Variants in CCDC149 observed in about 807,000 individuals in gnomAD.
The protein encoded by CCDC149 is coiled-coil domain-containing protein 149.
Under a neutral mutation model 59.9 loss-of-function variants are expected in CCDC149, and 45 were observed. That is an observed-to-expected ratio of 0.75 (90% confidence interval 0.59 to 0.96). CCDC149 has a LOEUF of 0.96. Among genes scored for constraint, CCDC149 ranks in the 40% least tolerant of loss-of-function variants. CCDC149 has a pLI of 0.00. For synonymous variants in CCDC149, 245 were observed against 260.6 expected (o/e 0.94, Z 0.58); for missense variants, 584 against 664.7 (o/e 0.88, Z 1.33).
intron 4 of CCDC149, among the ~76,000 whole-genome samples, chr4:24,850,906 T>G (rs1717615799): frequency 6.6e-6 from 1 of 151,872 alleles, no homozygotes; most frequent in Non-Finnish European, 1.5e-5. Flanking sequence ...AAACCAGCCC[T>G]GTAACTTTAG....
At chr4:24,861,260 T>TAC (rs1456151602) in intron 3 of CCDC149, among the ~76,000 whole-genome samples, 5 of 48,098 alleles carry the variant, frequency 1.0e-4, no homozygotes, top group Admixed American at 2.5e-4. Context: ...GATATATATA[T>TAC]ATGCACACAC....
At chr4:24,931,842 T>TATATATATATATATATAC (rs1560260675) in intron 1 of CCDC149, among the ~76,000 whole-genome samples, 9 of 141,484 alleles carry the variant, frequency 6.4e-5, no homozygotes, top group Non-Finnish European at 1.2e-4. Context: ...TATATATATA[T>TATATATATATATATATAC]ATATATATAT....
chr4:24,869,141 C>T (rs1357308603), intron 3 of CCDC149, among the ~76,000 whole-genome samples: 3 of 152,196 alleles, frequency 2.0e-5, no homozygotes, highest in Non-Finnish European at 4.4e-5. Context: ...CTACCCCGCA[C>T]CCCTCTACAT....
chr4:24,809,588 G>A (rs367802334), intron 12 of CCDC149, among the ~76,000 whole-genome samples: 6 of 150,428 alleles, frequency 4.0e-5, no homozygotes, highest in Admixed American at 2.0e-4. Flanking sequence ...GCAGCATGGC[G>A]GAGCCAGCTC....
At chr4:24,965,829 A>G (rs1481712956) in intron 1 of CCDC149, among the ~76,000 whole-genome samples, 1 of 152,234 alleles carries the variant, frequency 6.6e-6, no homozygotes, top group African/African-American at 2.4e-5. Context: ...CTGACACAGC[A>G]TGACTCAGCA....
At chr4:24,825,960 G>C (rs1042119032) in intron 9 of CCDC149, among the ~76,000 whole-genome samples, 2 of 151,886 alleles carry the variant, frequency 1.3e-5, no homozygotes, top group African/African-American at 4.8e-5. Flanking sequence ...TTGTTGTTTT[G>C]TTTTGTTTTT....
chr4:24,834,083 T>G (rs906827853), intron 8 of CCDC149, among the ~76,000 whole-genome samples: 2 of 152,216 alleles, frequency 1.3e-5, no homozygotes. Context: ...AGTTTTCTTT[T>G]GAAAAACAAT....
intron 1 of CCDC149, chr4:24,895,258 T>A: frequency 1.7e-6 from 1 of 573,954 alleles, no homozygotes; most frequent in Non-Finnish European, 3.1e-6. Flanking sequence ...GCTCTAGAAC[T>A]TGCTCTGGGT....
Position 24,942,647 on chromosome 4 carries a change from C to A in CCDC149, c.-65+37422G>T, listed in dbSNP as rs554726665. On this transcript the variant is annotated intron_variant, in intron 1 of 12. Transcript: ENST00000389609. ...TGACATGATTGTATATCTAGAAAAC[C>A]CCATCATCTCAGCCCAAAATCTCCT... Among the ~76,000 whole-genome samples, 254 of 152,168 alleles carry A rather than the reference C, an allele frequency of 1.7e-3. 2 individuals are homozygous for A. Among genetic ancestry groups the A allele is most frequent in the Middle Eastern group, 6.8e-3 (2 of 294 alleles).
At chr4:24,819,549 G>A (rs1269161915) in intron 12 of CCDC149, among the ~76,000 whole-genome samples, 1 of 152,054 alleles carries the variant, frequency 6.6e-6, no homozygotes, top group Non-Finnish European at 1.5e-5. Context: ...TTGAACTCCT[G>A]AGCTCAGGTG....
intron 1 of CCDC149, among the ~76,000 whole-genome samples, chr4:24,920,701 C>A (rs1461094237): frequency 6.6e-6 from 1 of 152,222 alleles, no homozygotes; most frequent in Admixed American, 6.5e-5. Context: ...GCCATAGCAG[C>A]AATTCTGATT....
At chr4:24,844,494 C>G (rs1464692221) in intron 4 of CCDC149, among the ~76,000 whole-genome samples, 1 of 152,122 alleles carries the variant, frequency 6.6e-6, no homozygotes, top group African/African-American at 2.4e-5. Context: ...TGGGCCGGGC[C>G]AGGCATGGTG....
At chr4:24,930,858 T>A (rs57087862) in intron 1 of CCDC149, among the ~76,000 whole-genome samples, 4,527 of 152,230 alleles carry the variant, frequency 0.03, 214 homozygotes, top group African/African-American at 0.1. Context: ...TGATACTAAC[T>A]TATAAAACAA....
At chr4:24,917,856 T>A (rs955722493), upstream of CCDC149, among the ~76,000 whole-genome samples, 1 of 152,030 alleles carries the variant, frequency 6.6e-6, no homozygotes, top group Non-Finnish European at 1.5e-5. Flanking sequence ...TTGATGTAAA[T>A]TTATGGAAAT....
intron 1 of CCDC149, among the ~76,000 whole-genome samples, chr4:24,962,118 AAAAC>A (rs1337857610): frequency 1.3e-5 from 2 of 152,048 alleles, no homozygotes; most frequent in African/African-American, 2.4e-5. Context: ...TTACAAGAAA[AAAAC>A]AAACAACCCC....
intron 1 of CCDC149, among the ~76,000 whole-genome samples, chr4:24,939,166 C>T (rs977147668): frequency 1.3e-5 from 2 of 152,224 alleles, no homozygotes; most frequent in African/African-American, 4.8e-5. Flanking sequence ...ACTGACACCT[C>T]ACACGGCTGG....
rs201930078 is a variant in CCDC149, at chr4:24,944,408, G to A, written c.-65+35661C>T. Among the ~76,000 whole-genome samples, 27 of 152,060 alleles carry A rather than the reference G, an allele frequency of 1.8e-4. No individual in the cohort carries two copies. The East Asian group carries it at 5.0e-3, about 28-fold the overall frequency. On this transcript the variant is annotated intron_variant, in intron 1 of 12. Transcript: ENST00000389609. Reference sequence around the variant, plus strand: ...ACACTGGGAACTGTTGTGGGGTGGGGGGATGGGGGAGGGATAGCATTAGGA... The same window carrying A: ...ACACTGGGAACTGTTGTGGGGTGGGAGGATGGGGGAGGGATAGCATTAGGA...
At position 24,807,090 on chromosome 4, in the gene CCDC149, T is replaced by G. The variant is rs1332935198; in HGVS notation, c.*1299A>C. 6.6e-6 allele frequency: 1 copy of G among 152,202 alleles called. No homozygotes were observed. The allele number at this position is 152,202 out of a possible 1,614,324, so 9.4% of individuals were successfully genotyped here. On this transcript the variant is annotated 3_prime_UTR_variant, in exon 13 of 13. Transcript: ENST00000635206. ...CCACTCTGGGAGCCTCTCTTTTTCC[T>G]GCAAGGAGCGCCTCTCAAAGGAGTG...
chr4:24,898,452 T>C (rs1190273495), intron 1 of CCDC149, among the ~76,000 whole-genome samples: 1 of 152,118 alleles, frequency 6.6e-6, no homozygotes, highest in Non-Finnish European at 1.5e-5. Flanking sequence ...ATTGGGCATG[T>C]TCTGGGGCAC....
Sources: gnomAD v4.1 joint callset for allele counts (sites outside exome capture counted in the v4.1 genomes callset) on GRCh38, gnomAD v4.1.1 for gene constraint, MANE v1.5 for transcripts, NCBI Gene and HGNC (gene_info 2026-07-23, HGNC 2026-07-21) for gene names.